CCDC88C: variants seen among roughly 807,000 people sequenced by gnomAD.
CCDC88C encodes protein Daple.
CCDC88C carries 131 observed loss-of-function variants against 198.8 expected under a neutral mutation model. The observed-to-expected ratio is 0.66, with a 90% CI of 0.57 to 0.76. CCDC88C has a LOEUF of 0.76. Among genes scored for constraint, CCDC88C ranks in the 30% least tolerant of loss-of-function variants. The pLI is 0.00. For missense variants in CCDC88C, 2,553 were observed against 2,631.6 expected, an observed-to-expected ratio of 0.97 and a Z score of 0.65; for synonymous variants, 1,166 against 1,114.7, an observed-to-expected ratio of 1.05 and a Z score of -0.92.
chr14:91,410,493 A>C (rs1425241874), intron 2 of CCDC88C, among the ~76,000 whole-genome samples: 1 of 152,248 alleles, frequency 6.6e-6, no homozygotes. Context: ...TTCTGGAAGT[A>C]CAGTGATGGA....
At chr14:91,351,844 C>A (rs1893816633) in intron 4 of CCDC88C, among the ~76,000 whole-genome samples, 2 of 152,134 alleles carry the variant, frequency 1.3e-5, no homozygotes. Flanking sequence ...ACGACAGCTA[C>A]CCCCAGGTCA....
rs143556433 is a variant in CCDC88C, at chr14:91,289,026, C to A, written c.4441+79G>T. On this transcript the variant is annotated intron_variant, in intron 25 of 29. Coordinates refer to ENST00000389857, the MANE Select transcript of CCDC88C (RefSeq NM_001080414.4). ...CCCACCCCTGGCACGTTCCTGCACACGTGTGCACAGCCACCGGTGCGGGAC... is the reference window on the plus strand; with the variant it reads ...CCCACCCCTGGCACGTTCCTGCACAAGTGTGCACAGCCACCGGTGCGGGAC... The A allele has an allele frequency of 1.1e-5, 13 of 1,182,708 alleles. No individual in the cohort carries two copies. In the East Asian group the frequency reaches 1.8e-4, roughly 16 times the overall value. The allele number at this position is 1,182,708 out of a possible 1,614,324, so 73.3% of individuals were successfully genotyped here. A position where few individuals can be genotyped will look rare whatever the true frequency, so the allele number is the denominator to read the frequency against.
intron 23 of CCDC88C, among the ~76,000 whole-genome samples, chr14:91,292,070 G>T (rs1890684607): frequency 6.6e-6 from 1 of 152,142 alleles, no homozygotes; most frequent in Admixed American, 6.5e-5. Context: ...AGAGGTAACA[G>T]CTCATTCTCG....
intron 3 of CCDC88C, among the ~76,000 whole-genome samples, chr14:91,382,095 G>C (rs1884832318): frequency 6.6e-6 from 1 of 152,186 alleles, no homozygotes; most frequent in African/African-American, 2.4e-5. Context: ...ATTAAATACA[G>C]AGACAAGTCA....
chr14:91,294,430 T>C (rs1215496351), intron 22 of CCDC88C, 112 bp from the exon 23 acceptor site: 17 of 1,277,014 alleles, frequency 1.3e-5, no homozygotes, highest in Non-Finnish European at 1.9e-5. Flanking sequence ...CAACGCAGCA[T>C]AATCTACGCC....
In CCDC88C at chr14:91,272,913, T is replaced by C. The variant is rs762227855; in HGVS notation, c.5799A>G (p.Ala1933=). Residue 1933 remains alanine (A), a synonymous_variant, in exon 30 of 30, where the codon GCA becomes GCG. Transcript: ENST00000389857. ...NSQLLHFSPA[A]APAARTKPKA... is the part of the protein sequence containing the mutation. Reference sequence around the variant, plus strand: ...TGGGCTTGGTCCTGGCAGCCGGGGCTGCAGCAGGTGAGAAGTGCAGGAGCT... The same window carrying C: ...TGGGCTTGGTCCTGGCAGCCGGGGCCGCAGCAGGTGAGAAGTGCAGGAGCT... 4 of 1,575,432 alleles carry C rather than the reference T, an allele frequency of 2.5e-6. No homozygotes were observed. The South Asian group carries it at 4.6e-5, about 18-fold the overall frequency.
In CCDC88C at chr14:91,273,531, G is replaced by A. The variant is rs761768016; in HGVS notation, c.5181C>T (p.Asn1727=). 15 of 1,528,030 alleles carry A rather than the reference G, an allele frequency of 9.8e-6. No individual in the cohort carries two copies. The highest frequency in any genetic ancestry group is 1.4e-5 in the African/African-American group (1 of 71,730). 94.7% of individuals were successfully genotyped at this position (1,528,030 alleles called of 1,614,324 possible). ...CCATTTTGACGGTGGGGGCCACAAA[G>A]TTGGTGGGCATCTTGGCCCCTTCTT... ...AKKEGAKMPT[N]FVAPTVKMAA... is the part of the protein sequence containing the mutation. Residue 1727 remains asparagine, a synonymous_variant, in exon 30 of 30, where the codon AAC becomes AAT. Transcript: ENST00000389857. This position sits in a 1 kb window ranked among gnomAD's most constrained non-coding sequence, Gnocchi z 5.6.
Position 91,352,619 on chromosome 14 carries a change from T to C in CCDC88C, c.340+7023A>G, listed in dbSNP as rs1893865297. Among the ~76,000 whole-genome samples, 1 of 152,186 alleles carries C rather than the reference T, an allele frequency of 6.6e-6. No individual in the cohort carries two copies. The highest frequency in any genetic ancestry group is 6.5e-5 in the Admixed American group (1 of 15,284). On this transcript the variant is annotated intron_variant, in intron 4 of 29. Transcript: ENST00000389857. The surrounding 1 kb of genome is among the most constrained non-coding windows in gnomAD (Gnocchi z 4.2). ...TCCCATTCAAACGCCCAAAACGTTT[T>C]GCAAATATGAAAATTATATATATAT... is the stretch of plus-strand genomic sequence containing the variant.
Position 91,284,930 on chromosome 14 carries a change from T to C in CCDC88C, c.4442-1413A>G, listed in dbSNP as rs4900075. On this transcript the variant is annotated intron_variant, in intron 25 of 29. Transcript: ENST00000389857. This position sits in a 1 kb window ranked among gnomAD's most constrained non-coding sequence, Gnocchi z 4.1. ...ATGGCTAGAGACAGGAAATGCTCCA[T>C]AGGTAATGGCCTAGCTGGCCGGCTG... Among the ~76,000 whole-genome samples the C allele has an allele frequency of 0.25, 37,888 of 152,032 alleles. 4,902 individuals are homozygous for C. Among genetic ancestry groups the C allele is most frequent in the South Asian group, 0.39 (1,899 of 4,814 alleles).
At chr14:91,274,159 G>A (rs1043781858) in intron 29 of CCDC88C, among the ~76,000 whole-genome samples, 1 of 150,668 alleles carries the variant, frequency 6.6e-6, no homozygotes, top group Non-Finnish European at 1.5e-5. Flanking sequence ...CTGCCACTCA[G>A]ACCTCTCTCT....
intron 23 of CCDC88C, among the ~76,000 whole-genome samples, chr14:91,291,807 C>A (rs1890673620): frequency 6.6e-6 from 1 of 152,178 alleles, no homozygotes; most frequent in Admixed American, 6.5e-5. Context: ...AAAAACTCTG[C>A]CAGGGACCAA....
At chr14:91,370,950 A>G (rs1319527338) in intron 3 of CCDC88C, among the ~76,000 whole-genome samples, 1 of 152,176 alleles carries the variant, frequency 6.6e-6, no homozygotes, top group Non-Finnish European at 1.5e-5. Flanking sequence ...ATGCCATACC[A>G]AGAAGCTTGT....
chr14:91,330,364 G>A (rs561012755), intron 10 of CCDC88C, among the ~76,000 whole-genome samples: 73 of 152,326 alleles, frequency 4.8e-4, no homozygotes, highest in Middle Eastern at 3.4e-3. Context: ...AGCTGAAGTG[G>A]GGAGTGGCAG....
intron 12 of CCDC88C, 135 bp from the exon 13 acceptor site, chr14:91,321,439 G>A: frequency 1.1e-6 from 1 of 894,942 alleles, no homozygotes; most frequent in Admixed American, 2.3e-5. Flanking sequence ...CAGGTCAGCT[G>A]GGGACCCTTC....
intron 10 of CCDC88C, among the ~76,000 whole-genome samples, chr14:91,333,190 C>G (rs1472218353): frequency 6.6e-6 from 1 of 152,190 alleles, no homozygotes; most frequent in Non-Finnish European, 1.5e-5. Flanking sequence ...TTCAATGGAA[C>G]CTTCTTGCTA....
In CCDC88C at chr14:91,273,327, G is replaced by C. The variant is rs1387523798; in HGVS notation, c.5385C>G (p.Ala1795=). Residue 1795 remains alanine (A), a synonymous_variant, in exon 30 of 30, where the codon GCC becomes GCG. Transcript: ENST00000389857. This position sits in a 1 kb window ranked among gnomAD's most constrained non-coding sequence, Gnocchi z 5.6. ...APVPPASHAP[A]SRSASLSRAF... The stretch of plus-strand genomic sequence containing the variant: ...CCCGGCTCAAGGAGGCACTGCGGCT[G>C]GCAGGTGCATGGGAAGCTGGGGGCA... 1.3e-6 allele frequency: 2 copies of C among 1,554,060 alleles called. No homozygotes were observed. The highest frequency in any genetic ancestry group is 1.7e-6 in the Non-Finnish European group (2 of 1,147,910).
chr14:91,397,147 C>T (rs1478722034), intron 3 of CCDC88C, among the ~76,000 whole-genome samples: 5 of 152,276 alleles, frequency 3.3e-5, no homozygotes, highest in South Asian at 2.1e-4. Flanking sequence ...GGGGAAGTCC[C>T]GATGTGTCAA....
At chr14:91,367,980 T>TC (rs1221640619) in intron 3 of CCDC88C, among the ~76,000 whole-genome samples, 1 of 152,022 alleles carries the variant, frequency 6.6e-6, no homozygotes, top group African/African-American at 2.4e-5. Context: ...TCCTAATGCT[T>TC]CCTCAGCCCC....
At chr14:91,366,978 T>G (rs932050558) in intron 3 of CCDC88C, among the ~76,000 whole-genome samples, 2 of 152,208 alleles carry the variant, frequency 1.3e-5, no homozygotes, top group African/African-American at 4.8e-5. Flanking sequence ...AAGATGCAGG[T>G]GGAAACACCG....
Sources: gnomAD v4.1 joint callset for allele counts (sites outside exome capture counted in the v4.1 genomes callset) on GRCh38, gnomAD v4.1.1 for gene constraint, Gnocchi (gnomAD v3.1) non-coding constraint, MANE v1.5 for transcripts, NCBI Gene and HGNC (gene_info 2026-07-23, HGNC 2026-07-21) for gene names.